The following C6 variants were observed in gnomAD, a reference collection of about 807,000 sequenced individuals.
The protein encoded by C6 is complement C6.
In C6, 101 loss-of-function variants were observed where a neutral mutation model predicts 112.9. That is an observed-to-expected ratio of 0.89 (90% CI 0.76 to 1.06). The LOEUF is 1.06. Among genes scored for constraint, C6 ranks in the 50% least tolerant of loss-of-function variants. The pLI, the probability that C6 is intolerant of heterozygous loss-of-function variation, is 0.00. For missense variants in C6, 1,202 were observed against 1,104.6 expected, an observed-to-expected ratio of 1.09 and a Z score of -1.25; for synonymous variants, 431 against 384.1, an observed-to-expected ratio of 1.12 and a Z score of -1.43.
chr5:41,184,719 C>A (rs372410810), intron 6 of C6, among the ~76,000 whole-genome samples: 3 of 152,192 alleles, frequency 2.0e-5, no homozygotes, highest in Middle Eastern at 3.4e-3. Flanking sequence ...GTGATCTGCA[C>A]CCCCTTGGCC....
intron 9 of C6, 101 bp from the exon 10 acceptor site, chr5:41,161,960 TGGTACA>T: frequency 9.0e-7 from 1 of 1,112,412 alleles, no homozygotes; most frequent in Non-Finnish European, 1.3e-6. Context: ...GAGAAGTAGA[TGGTACA>T]GTATGTAGCT....
intron 1 of C6, among the ~76,000 whole-genome samples, chr5:41,236,375 A>T (rs1488039591): frequency 6.6e-6 from 1 of 151,536 alleles, no homozygotes. Context: ...TTTGTCAAAG[A>T]TCAGATAGTT....
chr5:41,194,417 C>T (rs1368757877), intron 5 of C6, among the ~76,000 whole-genome samples: 1 of 152,082 alleles, frequency 6.6e-6, no homozygotes, highest in Non-Finnish European at 1.5e-5. Context: ...TTATTTAGAA[C>T]TCAGCTCCTC....
chr5:41,219,825 C>A (rs148777242), intron 1 of C6, among the ~76,000 whole-genome samples: 1 of 152,278 alleles, frequency 6.6e-6, no homozygotes, highest in Non-Finnish European at 1.5e-5. Flanking sequence ...TTTAAAAGTT[C>A]TTCCAGGAGA....
intron 1 of C6, among the ~76,000 whole-genome samples, chr5:41,252,722 A>G (rs1369040063): frequency 6.6e-6 from 1 of 152,088 alleles, no homozygotes; most frequent in East Asian, 1.9e-4. Context: ...CTGATAAGAG[A>G]CATTTACCAT....
chr5:41,159,233 C>G lies in C6; in HGVS notation c.1705G>C (p.Gly569Arg). 1 of 1,613,254 alleles carries G rather than the reference C, an allele frequency of 6.2e-7. No individual in the cohort carries two copies. The highest frequency in any genetic ancestry group is 2.2e-5 in the East Asian group (1 of 44,776). ...CAGGTACTCCAGGAAGACCAACAAC[C>G]CCACTGTCCGTCTACTGCATCTGGA... is the stretch of plus-strand genomic sequence containing the variant. ...YKSNAVDGQW[G>R]CWSSWSTCDA... Residue 569 changes from glycine (G) to arginine (R), a missense_variant, in exon 12 of 18, where the codon GGT becomes CGT. Physicochemically the swap from Gly to Arg is moderately radical, Grantham distance 125. Transcript: ENST00000337836.
In C6 at chr5:41,186,079, G is replaced by A. The variant is rs1308868242; in HGVS notation, c.717C>T (p.Val239=). ...PYRVPANLEN[V]GFEVQTAEDD... ...TGCTAGGCTGTCATACCTCAAAGCC[G>A]ACATTTTCCAGATTGGCCGGAACAC... Residue 239 remains valine (V), a synonymous_variant, in exon 6 of 18, where the codon GTC becomes GTT. Transcript: ENST00000337836. 3.7e-6 allele frequency: 6 copies of A among 1,613,766 alleles called. No homozygotes were observed. In the Admixed American group the frequency reaches 5.0e-5, roughly 13 times the overall value.
chr5:41,173,337 A>T (rs1304805692), intron 8 of C6, among the ~76,000 whole-genome samples: 1 of 152,154 alleles, frequency 6.6e-6, no homozygotes, highest in Non-Finnish European at 1.5e-5. Flanking sequence ...CAGTCCTGTG[A>T]TCATTCTCAA....
chr5:41,241,189 T>C (rs1740690288), intron 1 of C6, among the ~76,000 whole-genome samples: 2 of 152,134 alleles, frequency 1.3e-5, no homozygotes, highest in South Asian at 2.1e-4. Flanking sequence ...TGCAAGTGTG[T>C]GGCAACCTTG....
rs111668387 is a variant in C6, at chr5:41,210,295, A to C, written c.-21+3081T>G. 8.1e-3 allele frequency among the ~76,000 whole-genome samples: 1,227 copies of C among 152,348 alleles called. 19 individuals are homozygous for C. Among genetic ancestry groups the C allele is most frequent in the African/African-American group, 0.028 (1,150 of 41,586 alleles). On this transcript the variant is annotated intron_variant, in intron 1 of 17. Coordinates refer to ENST00000337836, the MANE Select transcript of C6 (RefSeq NM_000065.5). ...GAAAACCTAGGCAATACCATTCAGGACATAGGCATGGGCAAGGACTTCATG... is the reference window on the plus strand; with the variant it reads ...GAAAACCTAGGCAATACCATTCAGGCCATAGGCATGGGCAAGGACTTCATG...
At position 41,158,533 on chromosome 5, in the gene C6, G is replaced by A. The variant is rs537933822; in HGVS notation, c.1968+141C>T. 1.9e-5 allele frequency: 13 copies of A among 681,522 alleles called. No individual in the cohort carries two copies. In the African/African-American group the frequency reaches 2.3e-4, roughly 12 times the overall value. The allele number at this position is 681,522 out of a possible 1,614,324, so 42.2% of individuals were successfully genotyped here. A position where few individuals can be genotyped will look rare whatever the true frequency, so the allele number is the denominator to read the frequency against. ...AAATTCAAGATGGAAGAGTGGCAAA[G>A]TGTTTCTAAATATTATTTTGTACTT... On this transcript the variant is annotated intron_variant, in intron 13 of 17. Transcript: ENST00000337836.
At chr5:41,232,670 G>A (rs1490325205) in intron 1 of C6, among the ~76,000 whole-genome samples, 2 of 151,988 alleles carry the variant, frequency 1.3e-5, no homozygotes, top group African/African-American at 2.4e-5. Context: ...AAAATTTTAA[G>A]TCATTCATGA....
intron 15 of C6, among the ~76,000 whole-genome samples, chr5:41,150,703 A>G (rs1241997111): frequency 6.6e-6 from 1 of 152,012 alleles, no homozygotes; most frequent in African/African-American, 2.4e-5. Context: ...CCTGGTCAAT[A>G]TGGCGAAACC....
intron 1 of C6, among the ~76,000 whole-genome samples, chr5:41,223,908 C>T (rs959456534): frequency 1.3e-5 from 2 of 151,910 alleles, no homozygotes; most frequent in Admixed American, 1.3e-4. Flanking sequence ...GAGAGCAGTG[C>T]CTAAATTTTC....
chr5:41,245,059 T>A, intron 1 of C6, among the ~76,000 whole-genome samples: 1 of 152,226 alleles, frequency 6.6e-6, no homozygotes, highest in East Asian at 1.9e-4. Context: ...TGTTAACATT[T>A]TTTATAATTA....
chr5:41,191,061 C>A (rs1371966174), intron 5 of C6, among the ~76,000 whole-genome samples: 3 of 114,376 alleles, frequency 2.6e-5, no homozygotes, highest in African/African-American at 1.0e-4. Context: ...AGTGTGATGC[C>A]TTTGGCTTTT....
In C6 at chr5:41,203,262, G is replaced by T; in HGVS notation, c.-20-12C>A. 3.7e-6 allele frequency: 6 copies of T among 1,613,392 alleles called. No homozygotes were observed. The highest frequency in any genetic ancestry group is 5.1e-6 in the Non-Finnish European group (6 of 1,179,500). The stretch of plus-strand genomic sequence containing the variant: ...AGAGCCTCCAGGCCCTAAAATGAAA[G>T]AATACATAACACATATCAAATGCTT... On this transcript the variant is annotated splice_polypyrimidine_tract_variant and intron_variant, in intron 1 of 17. Transcript: ENST00000337836.
In C6 at chr5:41,207,415, TAA is replaced by T. The variant is rs1448406879; in HGVS notation, c.-20-4167_-20-4166del. Among the ~76,000 whole-genome samples the T allele has an allele frequency of 5.3e-5, 8 of 152,282 alleles. No homozygotes were observed. The East Asian group carries it at 1.5e-3, about 29-fold the overall frequency. On this transcript the variant is annotated intron_variant, in intron 1 of 17. Transcript: ENST00000337836. ...ATGTAAATGGGCTAAATGCCCCAAT[TAA>T]AAGACATAGACTGGCAAATTGGATA...
chr5:41,154,468 G>A (rs1746709388), intron 14 of C6, among the ~76,000 whole-genome samples: 1 of 152,144 alleles, frequency 6.6e-6, no homozygotes. Context: ...CTTTACTCTA[G>A]CACAGATATG....
Sources: gnomAD v4.1 joint callset for allele counts (sites outside exome capture counted in the v4.1 genomes callset) on GRCh38, gnomAD v4.1.1 for gene constraint, MANE v1.5 for transcripts, NCBI Gene and HGNC (gene_info 2026-07-23, HGNC 2026-07-21) for gene names.